LRRC4C: variants seen among roughly 807,000 people sequenced by gnomAD.
LRRC4C encodes the protein leucine rich repeat containing 4C, also known as leucine-rich repeat-containing protein 4C.
A neutral mutation model predicts 33.6 loss-of-function variants in LRRC4C; 5 were observed. That is an observed-to-expected ratio of 0.15 (90% CI 0.08 to 0.31). The LOEUF (loss-of-function observed/expected upper bound fraction) is 0.31, where lower values mean the gene tolerates loss of function less well. Ranked by LOEUF, LRRC4C falls within the 10% of genes least tolerant of loss-of-function variation. The pLI is 1.00. For missense variants in LRRC4C, 560 were observed against 796.7 expected (o/e 0.70, Z 3.58); for synonymous variants, 329 against 302.0 (o/e 1.09, Z -0.93).
chr11:41,439,637 A>T (rs1955549080), intron 1 of LRRC4C, among the ~76,000 whole-genome samples: 1 of 152,066 alleles, frequency 6.6e-6, no homozygotes, highest in African/African-American at 2.4e-5. Context: ...ATTTGCATTG[A>T]TGTTGAGCAT....
chr11:40,716,074 T>C (rs1591537608), intron 2 of LRRC4C, among the ~76,000 whole-genome samples: 2 of 150,634 alleles, frequency 1.3e-5, no homozygotes, highest in South Asian at 4.2e-4. Flanking sequence ...ACCCAGGGCC[T>C]AGAAAAAATC....
chr11:40,777,623 G>C (rs1010257433), intron 2 of LRRC4C, among the ~76,000 whole-genome samples: 25 of 150,318 alleles, frequency 1.7e-4, no homozygotes, highest in Non-Finnish European at 3.1e-4. Flanking sequence ...TCTGAGTCTT[G>C]GGTTGTCACT....
intron 1 of LRRC4C, among the ~76,000 whole-genome samples, chr11:41,011,822 ATATAT>A (rs55785708): frequency 4.1e-4 from 58 of 141,728 alleles, no homozygotes; most frequent in Admixed American, 2.7e-3. Flanking sequence ...ATTCTATGTT[ATATAT>A]TATATTATAT....
chr11:40,949,575 GA>G (rs1229217119), intron 1 of LRRC4C, among the ~76,000 whole-genome samples: 1 of 151,990 alleles, frequency 6.6e-6, no homozygotes, highest in Admixed American at 6.6e-5. Context: ...CATTCTTAAA[GA>G]AAAGAATTTT....
At position 40,357,141 on chromosome 11, in the gene LRRC4C, T is replaced by C. The variant is rs114912081; in HGVS notation, c.-269-37420A>G. ...AGAAATTTTAGGTTAATACTGACAT[T>C]ATTTTGAAGGGGGAAAGGGCAAGAA... On this transcript the variant is annotated intron_variant, in intron 3 of 6. Transcript: ENST00000528697. Among the ~76,000 whole-genome samples the C allele has an allele frequency of 2.5e-3, 384 of 152,240 alleles. 1 individual carries two copies. Among genetic ancestry groups the C allele is most frequent in the Middle Eastern group, 0.01 (3 of 292 alleles).
intron 2 of LRRC4C, among the ~76,000 whole-genome samples, chr11:40,696,041 ATGTGTG>A (rs567120072): frequency 2.8e-5 from 4 of 143,980 alleles, no homozygotes; most frequent in East Asian, 2.0e-4. Context: ...GTATATATAT[ATGTGTG>A]TGTGTGTGTG....
At chr11:41,189,626 G>A (rs1265201419) in intron 1 of LRRC4C, among the ~76,000 whole-genome samples, 1 of 152,178 alleles carries the variant, frequency 6.6e-6, no homozygotes, top group East Asian at 1.9e-4. Flanking sequence ...GGTTTACTCA[G>A]AGGGTATTTT....
chr11:41,413,636 A>G (rs1315181838), intron 1 of LRRC4C, among the ~76,000 whole-genome samples: 1 of 152,180 alleles, frequency 6.6e-6, no homozygotes, highest in East Asian at 1.9e-4. Flanking sequence ...AGCTTGGTGT[A>G]TTGTCTAGCT....
At chr11:40,251,570 T>C (rs1410486758) in intron 4 of LRRC4C, among the ~76,000 whole-genome samples, 2 of 152,154 alleles carry the variant, frequency 1.3e-5, no homozygotes, top group Admixed American at 6.5e-5. Flanking sequence ...CAAAGCACTA[T>C]GTATTAGTAG....
intron 3 of LRRC4C, among the ~76,000 whole-genome samples, chr11:40,557,845 A>G (rs1201429753): frequency 6.6e-6 from 1 of 152,206 alleles, no homozygotes; most frequent in African/African-American, 2.4e-5. Context: ...CCACATATTT[A>G]TGATTGAATC....
Position 41,121,931 on chromosome 11 carries a change from A to AC in LRRC4C, c.-495-188209dup, listed in dbSNP as rs766372200. On this transcript the variant is annotated intron_variant, in intron 1 of 6. Transcript: ENST00000528697. ...CAGAGGTGTTGTCATCATTAGCAGT[A>AC]CAAAAAAAAAATCTCATCTAGAAAA... Among the ~76,000 whole-genome samples the AC allele has an allele frequency of 8.3e-5, 3 of 35,964 alleles. No individual in the cohort carries two copies. The East Asian group carries it at 0.031, about 375-fold the overall frequency. The allele number at this position is 35,964 out of a possible 152,430, so 23.6% of individuals were successfully genotyped here.
At chr11:40,533,031 A>T (rs1046824196) in intron 3 of LRRC4C, among the ~76,000 whole-genome samples, 1 of 152,082 alleles carries the variant, frequency 6.6e-6, no homozygotes, top group Admixed American at 6.6e-5. Flanking sequence ...CAACCCCCTG[A>T]TTCAATTGCC....
intron 2 of LRRC4C, among the ~76,000 whole-genome samples, chr11:40,751,659 T>TA: frequency 6.6e-6 from 1 of 152,200 alleles, no homozygotes; most frequent in Non-Finnish European, 1.5e-5. Context: ...TGAATCTCAT[T>TA]AAAACGATCA....
At chr11:41,397,723 G>A (rs1436638910) in intron 1 of LRRC4C, among the ~76,000 whole-genome samples, 1 of 150,760 alleles carries the variant, frequency 6.6e-6, no homozygotes, top group East Asian at 2.0e-4. Context: ...TATTTATTTT[G>A]CAATAATCTC....
chr11:41,413,491 A>C (rs1361997748), intron 1 of LRRC4C, among the ~76,000 whole-genome samples: 1 of 152,236 alleles, frequency 6.6e-6, no homozygotes, highest in Admixed American at 6.5e-5. Flanking sequence ...AGACAATACC[A>C]AGAAAACAAT....
At chr11:41,067,036 A>T (rs763444126) in intron 1 of LRRC4C, among the ~76,000 whole-genome samples, 7 of 152,182 alleles carry the variant, frequency 4.6e-5, no homozygotes, top group Non-Finnish European at 8.8e-5. Flanking sequence ...AACTAGCATC[A>T]TGACGACAGG....
At chr11:40,231,324 G>A (rs2136008833) in intron 5 of LRRC4C, among the ~76,000 whole-genome samples, 1 of 152,218 alleles carries the variant, frequency 6.6e-6, no homozygotes, top group East Asian at 1.9e-4. Flanking sequence ...ATCAAAATTG[G>A]CTGTAAGATG....
chr11:40,568,288 GACTCTACA>G (rs1177088090), intron 3 of LRRC4C, among the ~76,000 whole-genome samples: 1 of 152,144 alleles, frequency 6.6e-6, no homozygotes, highest in African/African-American at 2.4e-5. Flanking sequence ...AGCCTGTGAG[GACTCTACA>G]GCCTGTAGGG....
At chr11:40,879,785 A>G (rs1044927743) in intron 2 of LRRC4C, among the ~76,000 whole-genome samples, 7 of 152,154 alleles carry the variant, frequency 4.6e-5, no homozygotes, top group Non-Finnish European at 1.0e-4. Context: ...AAAGATTTAG[A>G]TCAGAAGATA....
Sources: gnomAD v4.1 joint callset for allele counts (sites outside exome capture counted in the v4.1 genomes callset) on GRCh38, gnomAD v4.1.1 for gene constraint, MANE v1.5 for transcripts, NCBI Gene and HGNC (gene_info 2026-07-23, HGNC 2026-07-21) for gene names.